The following NCAM1 variants were observed in gnomAD, a reference collection of about 807,000 sequenced individuals.
NCAM1 encodes the protein neural cell adhesion molecule 1.
A neutral mutation model predicts 109.8 loss-of-function variants in NCAM1; 14 were observed. The observed-to-expected ratio is 0.13, with a 90% CI of 0.08 to 0.20. NCAM1 has a LOEUF of 0.20. Among genes scored for constraint, NCAM1 ranks in the 10% least tolerant of loss-of-function variants. NCAM1 has a pLI of 1.00. For synonymous variants in NCAM1, 418 were observed against 442.9 expected (o/e 0.94, Z 0.70); for missense variants, 774 against 1,109.9 (o/e 0.70, Z 4.30).
intron 1 of NCAM1, among the ~76,000 whole-genome samples, chr11:113,122,148 C>T (rs1298768847): frequency 6.6e-6 from 1 of 152,232 alleles, no homozygotes; most frequent in Non-Finnish European, 1.5e-5. Context: ...ATCCCATCCC[C>T]TCCTGTTCAA....
intron 1 of NCAM1, among the ~76,000 whole-genome samples, chr11:113,102,050 A>C (rs1939899908): frequency 6.6e-6 from 1 of 152,232 alleles, no homozygotes; most frequent in Non-Finnish European, 1.5e-5. Flanking sequence ...AACAAAATGA[A>C]AGAAAATGTG....
Position 113,277,609 on chromosome 11 carries a change from C to G in NCAM1, c.*2222C>G. ...TTGTAATGTCGATGGCTTTGCCACA[C>G]CAGGCCAAGCCCATGCCATACCTTG... On this transcript the variant is annotated 3_prime_UTR_variant, in exon 20 of 20. Coordinates refer to ENST00000316851, the MANE Select transcript of NCAM1 (RefSeq NM_181351.5). 1 of 395,134 alleles carries G rather than the reference C, an allele frequency of 2.5e-6. No individual in the cohort carries two copies. Among genetic ancestry groups the G allele is most frequent in the Non-Finnish European group, 4.5e-6 (1 of 224,540 alleles). 24.5% of individuals were successfully genotyped at this position (395,134 alleles called of 1,614,324 possible). A position where few individuals can be genotyped will look rare whatever the true frequency, so the allele number is the denominator to read the frequency against.
chr11:113,266,999 G>A (rs948107594), intron 17 of NCAM1, among the ~76,000 whole-genome samples: 2 of 152,110 alleles, frequency 1.3e-5, no homozygotes, highest in Non-Finnish European at 1.5e-5. Flanking sequence ...GCCTCTGCTC[G>A]AGTGCCTTCA....
chr11:113,181,340 G>A (rs1199242737), intron 1 of NCAM1, among the ~76,000 whole-genome samples: 3 of 152,186 alleles, frequency 2.0e-5, no homozygotes, highest in South Asian at 2.1e-4. Flanking sequence ...GCCTTGACAG[G>A]TGCAGGTTCT....
At chr11:113,093,424 CT>C (rs369443745) in intron 1 of NCAM1, among the ~76,000 whole-genome samples, 1,976 of 151,642 alleles carry the variant, frequency 0.013, 40 homozygotes, top group African/African-American at 0.045. Flanking sequence ...GAATGGGAGA[CT>C]TTTTTTTTCA....
intron 1 of NCAM1, among the ~76,000 whole-genome samples, chr11:113,125,083 G>T (rs557578345): frequency 6.6e-6 from 1 of 152,104 alleles, no homozygotes; most frequent in Non-Finnish European, 1.5e-5. Flanking sequence ...TTATAAAATC[G>T]TAAGTAATAT....
Position 113,230,858 on chromosome 11 carries a change from A to G in NCAM1, c.1090-787A>G, listed in dbSNP as rs554043631. ...GGGGAAATCCCCTTGGAAATACTCC[A>G]GTACCCATTGCCTAAGGACTATGTG... On this transcript the variant is annotated intron_variant, in intron 9 of 19. Coordinates refer to ENST00000316851, the MANE Select transcript of NCAM1 (RefSeq NM_181351.5). 2.6e-5 allele frequency among the ~76,000 whole-genome samples: 4 copies of G among 152,334 alleles called. No homozygotes were observed. In the South Asian group the frequency reaches 6.2e-4, roughly 24 times the overall value.
intron 1 of NCAM1, among the ~76,000 whole-genome samples, chr11:113,148,747 T>C (rs1212179527): frequency 6.6e-6 from 1 of 152,154 alleles, no homozygotes; most frequent in Non-Finnish European, 1.5e-5. Context: ...TAGTTTTGGG[T>C]GGAGGGAATT....
chr11:113,169,183 A>G (rs1942910729), intron 1 of NCAM1, among the ~76,000 whole-genome samples: 2 of 152,102 alleles, frequency 1.3e-5, no homozygotes, highest in African/African-American at 4.8e-5. Flanking sequence ...ACCATATCCC[A>G]AAAACAGAAA....
intron 1 of NCAM1, among the ~76,000 whole-genome samples, chr11:113,170,881 G>A (rs1430465890): frequency 2.0e-5 from 3 of 152,208 alleles, no homozygotes; most frequent in African/African-American, 7.2e-5. Flanking sequence ...AATTATTTAT[G>A]CTGTAAGTAA....
At chr11:113,150,028 G>A (rs1366918139) in intron 1 of NCAM1, among the ~76,000 whole-genome samples, 2 of 152,034 alleles carry the variant, frequency 1.3e-5, no homozygotes, top group Non-Finnish European at 2.9e-5. Flanking sequence ...AGTGGGCAGC[G>A]GGGAAAATCA....
chr11:112,994,004 C>T (rs1198861085), intron 1 of NCAM1, among the ~76,000 whole-genome samples: 1 of 152,204 alleles, frequency 6.6e-6, no homozygotes, highest in Non-Finnish European at 1.5e-5. Context: ...ATCAGCTGCA[C>T]AGCTGTCACC....
chr11:113,036,102 C>T (rs966761717), intron 1 of NCAM1, among the ~76,000 whole-genome samples: 3 of 151,952 alleles, frequency 2.0e-5, no homozygotes, highest in Non-Finnish European at 2.9e-5. Flanking sequence ...CTATCTTAGT[C>T]CCCACCCGGG....
intron 7 of NCAM1, 146 bp downstream of exon 7, chr11:113,208,148 C>A: frequency 2.0e-6 from 2 of 990,294 alleles, no homozygotes; most frequent in Non-Finnish European, 2.9e-6. Context: ...CTAGTCCAAG[C>A]CCTAGTCCAA....
intron 1 of NCAM1, among the ~76,000 whole-genome samples, chr11:113,053,869 C>T (rs1953598996): frequency 6.6e-6 from 1 of 152,164 alleles, no homozygotes; most frequent in Non-Finnish European, 1.5e-5. Context: ...TTACTGAGAG[C>T]CCCTTATCAA....
intron 1 of NCAM1, among the ~76,000 whole-genome samples, chr11:113,132,631 T>C (rs1312828734): frequency 6.6e-6 from 1 of 150,816 alleles, no homozygotes; most frequent in Non-Finnish European, 1.5e-5. Flanking sequence ...TGTGTGTGTG[T>C]GTGTGTGTGT....
chr11:113,259,544 T>C (rs1387154272), intron 16 of NCAM1, among the ~76,000 whole-genome samples: 16 of 151,908 alleles, frequency 1.1e-4, no homozygotes, highest in African/African-American at 3.9e-4. Context: ...GGTGCTTGAG[T>C]CTCTGCATGC....
At chr11:113,260,453 A>G (rs1209821368) in intron 17 of NCAM1, 130 bp downstream of exon 17, 2 of 1,067,384 alleles carry the variant, frequency 1.9e-6, no homozygotes, top group African/African-American at 3.2e-5. Flanking sequence ...TTGCCCATGC[A>G]AAGCTTAGTT....
intron 1 of NCAM1, among the ~76,000 whole-genome samples, chr11:113,124,239 G>C (rs1204361344): frequency 6.6e-6 from 1 of 152,166 alleles, no homozygotes; most frequent in East Asian, 1.9e-4. Flanking sequence ...AGGGGCAAGT[G>C]GGGAGTGTGG....
Sources: gnomAD v4.1 joint callset for allele counts (sites outside exome capture counted in the v4.1 genomes callset) on GRCh38, gnomAD v4.1.1 for gene constraint, MANE v1.5 for transcripts, NCBI Gene and HGNC (gene_info 2026-07-23, HGNC 2026-07-21) for gene names.